Variants in FER observed in about 807,000 individuals in gnomAD.
FER encodes tyrosine-protein kinase Fer.
A neutral mutation model predicts 111.0 loss-of-function variants in FER; 63 were observed. The ratio of observed to expected loss-of-function variants is 0.57; its 90% CI spans 0.46 to 0.70. The LOEUF is 0.70. FER is among the 30% of genes least tolerant of loss of function. FER has a pLI of 0.00. For synonymous variants in FER, 327 were observed against 313.9 expected, an observed-to-expected ratio of 1.04 and a Z score of -0.44; for missense variants, 914 against 954.0, an observed-to-expected ratio of 0.96 and a Z score of 0.55.
At position 108,942,545 on chromosome 5, in the gene FER, T is replaced by G. The variant is rs575085757; in HGVS notation, c.1237-3585T>G. On this transcript the variant is annotated intron_variant, in intron 10 of 19. Coordinates refer to ENST00000281092, the MANE Select transcript of FER (RefSeq NM_005246.4). The stretch of plus-strand genomic sequence containing the variant: ...TGAATACTTCTAAAATGATTTGCCT[T>G]TAGTCAGAAACCCTGTTGCTAAAAC... 4.2e-4 allele frequency among the ~76,000 whole-genome samples: 64 copies of G among 152,168 alleles called. 1 individual carries two copies. Among genetic ancestry groups the G allele is most frequent in the Non-Finnish European group, 4.4e-4 (30 of 68,026 alleles).
At position 109,180,904 on chromosome 5, in the gene FER, A is replaced by G. The variant is rs1324419660; in HGVS notation, c.2203+3A>G. 6.3e-7 allele frequency: 1 copy of G among 1,596,132 alleles called. No homozygotes were observed. Among genetic ancestry groups the G allele is most frequent in the Non-Finnish European group, 8.5e-7 (1 of 1,174,818 alleles). On this transcript the variant is annotated splice_donor_region_variant and intron_variant, in intron 18 of 19. Transcript: ENST00000281092. Reference sequence around the variant, plus strand: ...AGCACCGGAAGCTCTTAATTATGGTAAGAATAGACCACATTTTTTTTTTAA... The same window carrying G: ...AGCACCGGAAGCTCTTAATTATGGTGAGAATAGACCACATTTTTTTTTTAA...
At chr5:108,918,609 CCCGAGT>C (rs897634045) in intron 10 of FER, among the ~76,000 whole-genome samples, 1 of 151,856 alleles carries the variant, frequency 6.6e-6, no homozygotes, top group African/African-American at 2.4e-5. Flanking sequence ...GCCTCAGCCT[CCCGAGT>C]AGCTGGGACT....
intron 4 of FER, among the ~76,000 whole-genome samples, chr5:108,833,429 A>C (rs1345599042): frequency 6.6e-6 from 1 of 151,988 alleles, no homozygotes; most frequent in Non-Finnish European, 1.5e-5. Context: ...GAGGATAGTA[A>C]AATCAACTTC....
At chr5:109,033,749 C>G (rs2149870666) in intron 13 of FER, among the ~76,000 whole-genome samples, 1 of 152,250 alleles carries the variant, frequency 6.6e-6, no homozygotes, top group East Asian at 1.9e-4. Flanking sequence ...AGACTATCCA[C>G]AAATTCTGAT....
chr5:109,174,775 T>C (rs1757504189), intron 17 of FER, among the ~76,000 whole-genome samples: 3 of 152,372 alleles, frequency 2.0e-5, no homozygotes, highest in South Asian at 4.1e-4. Context: ...TCAAAAGTTA[T>C]AGCCATTGGC....
At chr5:108,993,750 G>C (rs780745862) in intron 13 of FER, among the ~76,000 whole-genome samples, 1 of 152,170 alleles carries the variant, frequency 6.6e-6, no homozygotes, top group Non-Finnish European at 1.5e-5. Context: ...CCCACCAACA[G>C]TGTAAAAGCA....
chr5:108,953,609 G>T (rs1388922484), intron 11 of FER, among the ~76,000 whole-genome samples: 1 of 151,768 alleles, frequency 6.6e-6, no homozygotes, highest in African/African-American at 2.4e-5. Flanking sequence ...CTCCTCAGTG[G>T]TACGAAACAA....
intron 16 of FER, among the ~76,000 whole-genome samples, chr5:109,079,397 G>C (rs575179641): frequency 3.9e-5 from 6 of 152,174 alleles, no homozygotes; most frequent in African/African-American, 1.4e-4. Flanking sequence ...GCAATTGAAG[G>C]CTTGTTTGAC....
intron 13 of FER, among the ~76,000 whole-genome samples, chr5:108,998,037 A>C (rs965800113): frequency 1.3e-5 from 2 of 151,916 alleles, no homozygotes; most frequent in Non-Finnish European, 2.9e-5. Context: ...TGGCAGTGAG[A>C]ATTTTATGCC....
intron 17 of FER, among the ~76,000 whole-genome samples, chr5:109,133,434 A>G (rs895297300): frequency 2.0e-5 from 3 of 152,188 alleles, no homozygotes; most frequent in Admixed American, 6.6e-5. Flanking sequence ...ATATTTATAA[A>G]TGATAATAGT....
intron 10 of FER, among the ~76,000 whole-genome samples, chr5:108,920,822 C>T (rs182648679): frequency 1.9e-3 from 291 of 152,214 alleles, no homozygotes; most frequent in African/African-American, 6.5e-3. Context: ...TATGACCCTC[C>T]ATTGGTATTC....
At chr5:109,121,615 T>A (rs1193928104) in intron 17 of FER, among the ~76,000 whole-genome samples, 1 of 152,132 alleles carries the variant, frequency 6.6e-6, no homozygotes, top group Non-Finnish European at 1.5e-5. Context: ...ATGGAATGAG[T>A]TGGGAAGTAT....
intron 16 of FER, among the ~76,000 whole-genome samples, chr5:109,070,862 T>C (rs1262932743): frequency 2.0e-5 from 3 of 151,986 alleles, no homozygotes; most frequent in Non-Finnish European, 4.4e-5. Context: ...AGTCATTTTG[T>C]AATACAAACA....
At chr5:108,932,530 T>G (rs1357299991) in intron 10 of FER, among the ~76,000 whole-genome samples, 1 of 152,212 alleles carries the variant, frequency 6.6e-6, no homozygotes, top group Non-Finnish European at 1.5e-5. Context: ...CCTTTGGGTA[T>G]ATAGCCAGTA....
intron 16 of FER, among the ~76,000 whole-genome samples, chr5:109,100,156 A>G (rs1475117920): frequency 1.3e-5 from 2 of 151,786 alleles, no homozygotes; most frequent in Non-Finnish European, 3.0e-5. Context: ...TGGATAATGT[A>G]CAATATGAAA....
chr5:109,112,825 T>G (rs1300074330), intron 17 of FER, among the ~76,000 whole-genome samples: 1 of 152,136 alleles, frequency 6.6e-6, no homozygotes, highest in Non-Finnish European at 1.5e-5. Context: ...GTCACTGCAG[T>G]TTCCAGCAGT....
intron 1 of FER, among the ~76,000 whole-genome samples, chr5:108,762,219 A>G (rs1475069979): frequency 6.6e-6 from 1 of 152,142 alleles, no homozygotes; most frequent in Non-Finnish European, 1.5e-5. Flanking sequence ...AGTGGCAGAC[A>G]CCTATTTAAC....
chr5:108,925,697 A>G (rs1364733727), intron 10 of FER, among the ~76,000 whole-genome samples: 1 of 152,088 alleles, frequency 6.6e-6, no homozygotes, highest in Non-Finnish European at 1.5e-5. Context: ...AAGATAGTTG[A>G]AATACATACA....
intron 1 of FER, among the ~76,000 whole-genome samples, chr5:108,756,525 C>A (rs1181206792): frequency 1.3e-5 from 2 of 151,780 alleles, no homozygotes; most frequent in African/African-American, 4.8e-5. Flanking sequence ...AATAAATTTG[C>A]TATAGGAGAG....
Sources: gnomAD v4.1 joint callset for allele counts (sites outside exome capture counted in the v4.1 genomes callset) on GRCh38, gnomAD v4.1.1 for gene constraint, MANE v1.5 for transcripts, NCBI Gene and HGNC (gene_info 2026-07-23, HGNC 2026-07-21) for gene names.